H1-2: variants seen among roughly 807,000 people sequenced by gnomAD.
The protein encoded by H1-2 is histone H1.2.
In H1-2, 7 loss-of-function variants were observed where a neutral mutation model predicts 7.2. The observed-to-expected ratio is 0.97, with a 90% CI of 0.55 to 1.82. The LOEUF (loss-of-function observed/expected upper bound fraction) is 1.82. H1-2 is among the 40% of genes most tolerant of loss of function. H1-2 has a pLI of 0.00. For missense variants in H1-2, 703 were observed against 276.6 expected (o/e 2.54, Z -10.94); for synonymous variants, 300 against 118.2 (o/e 2.54, Z -9.98).
chr6:26,056,011 T>G lies in H1-2; in HGVS notation c.418A>C (p.Lys140Gln), dbSNP rs1259442897. Residue 140 changes from lysine (K) to glutamine (Q), a missense_variant, in exon 1 of 1, where the codon AAG (lysine) becomes CAG (glutamine). Coordinates refer to ENST00000343677, the MANE Select transcript of H1-2 (RefSeq NM_005319.4). Reference sequence around the variant, plus strand: ...TTCGGAGTTGCGCCGCCAGCCGCCTTCTTGGGCTTCTTGGCTGCCCCAACT... The same window carrying G: ...TTCGGAGTTGCGCCGCCAGCCGCCTGCTTGGGCTTCTTGGCTGCCCCAACT... ...KPVGAAKKPK[K>Q]AAGGATPKKS... 6.2e-7 allele frequency: 1 copy of G among 1,613,636 alleles called. No homozygotes were observed. The highest frequency in any genetic ancestry group is 1.7e-4 in the Middle Eastern group (1 of 5,972).
Position 26,056,035 on chromosome 6 carries a change from C to T in H1-2, c.394G>A (p.Val132Ile), listed in dbSNP as rs139623473. 54 of 1,614,126 alleles carry T rather than the reference C, an allele frequency of 3.3e-5. No individual in the cohort carries two copies. The African/African-American group carries it at 6.7e-4, about 20-fold the overall frequency. The change falls in exon 1 of 1, where the codon GTT becomes ATT. Residue 132 changes from valine (V) to isoleucine (I), a missense_variant. Physicochemically the swap from Val to Ile is conservative, Grantham distance 29. Transcript: ENST00000343677. ...TTCTTGGGCTTCTTGGCTGCCCCAA[C>T]TGGCTTCTTAGGTTTGGTTCCGCCC... ...KAGGTKPKKP[V>I]GAAKKPKKAA...
chr6:26,056,405 A>T lies in H1-2; in HGVS notation c.24T>A (p.Ala8=). 6.3e-7 allele frequency: 1 copy of T among 1,599,458 alleles called. No individual in the cohort carries two copies. Among genetic ancestry groups the T allele is most frequent in the Non-Finnish European group, 8.5e-7 (1 of 1,173,552 alleles). The change falls in exon 1 of 1, where the codon GCT becomes GCA. Residue 8 remains alanine (A), a synonymous_variant. Transcript: ENST00000343677. MSETAPA[A]PAAAPPAEKA... ...TCTCCGCAGGAGGCGCGGCAGCGGG[A>T]GCGGCAGGAGCAGTCTCGGACATGT...
chr6:26,056,374 G>C lies in H1-2; in HGVS notation c.55C>G (p.Pro19Ala), dbSNP rs200705328. 139 of 1,609,374 alleles carry C rather than the reference G, an allele frequency of 8.6e-5. No individual in the cohort carries two copies. Among genetic ancestry groups the C allele is most frequent in the Non-Finnish European group, 1.1e-4 (127 of 1,177,758 alleles). ...PAAAPPAEKA[P>A]VKKKAAKKAG... ...TTTTTGGCCGCCTTCTTCTTTACAG[G>C]GGCCTTCTCCGCAGGAGGCGCGGCA... Residue 19 changes from proline (P) to alanine (A), a missense_variant, in exon 1 of 1, where the codon CCT becomes GCT. Coordinates refer to ENST00000343677, the MANE Select transcript of H1-2 (RefSeq NM_005319.4).
Position 26,056,039 on chromosome 6 carries a change from C to A in H1-2, c.390G>T (p.Lys130Asn), listed in dbSNP as rs760879817. ...VKKAGGTKPK[K>N]PVGAAKKPKK... ...TGGGCTTCTTGGCTGCCCCAACTGG[C>A]TTCTTAGGTTTGGTTCCGCCCGCCT... Residue 130 changes from lysine (K) to asparagine (N), a missense_variant, in exon 1 of 1, where the codon AAG becomes AAT. Lys to Asn is a moderately conservative substitution (Grantham distance 94, BLOSUM62 0). Coordinates refer to ENST00000343677, the MANE Select transcript of H1-2 (RefSeq NM_005319.4). 4 of 1,614,108 alleles carry A rather than the reference C, an allele frequency of 2.5e-6. No individual in the cohort carries two copies. Among genetic ancestry groups the A allele is most frequent in the Non-Finnish European group, 3.4e-6 (4 of 1,180,032 alleles).
chr6:26,055,785 GC>G lies in H1-2; in HGVS notation c.*1del. 6.3e-7 allele frequency: 1 copy of G among 1,588,268 alleles called. No homozygotes were observed. The highest frequency in any genetic ancestry group is 8.5e-7 in the Non-Finnish European group (1 of 1,173,130). ...TTTTGGGTTTTAGAAGTAGGCGTTCGCCTATTTCTTCTTGGGCGCCGCCTTC... is the reference window on the plus strand; with the variant it reads ...TTTTGGGTTTTAGAAGTAGGCGTTCGCTATTTCTTCTTGGGCGCCGCCTTC... On this transcript the variant is annotated 3_prime_UTR_variant, in exon 1 of 1. Coordinates refer to ENST00000343677, the MANE Select transcript of H1-2 (RefSeq NM_005319.4).
At position 26,056,370 on chromosome 6, in the gene H1-2, A is replaced by T. The variant is rs140775794; in HGVS notation, c.59T>A (p.Val20Glu). The stretch of plus-strand genomic sequence containing the variant: ...AGCCTTTTTGGCCGCCTTCTTCTTT[A>T]CAGGGGCCTTCTCCGCAGGAGGCGC... The part of the protein sequence containing the change: ...AAAPPAEKAP[V>E]KKKAAKKAGG... Residue 20 changes from valine to glutamate, a missense_variant, in exon 1 of 1, where the codon GTA becomes GAA. Physicochemically the swap from Val to Glu is moderately radical, Grantham distance 121 (BLOSUM62 -2). Transcript: ENST00000343677. 1.9e-6 allele frequency: 3 copies of T among 1,611,674 alleles called. No homozygotes were observed. The East Asian group carries it at 6.7e-5, about 36-fold the overall frequency.
At position 26,056,329 on chromosome 6, in the gene H1-2, T is replaced by G. The variant is rs370019646; in HGVS notation, c.100A>C (p.Lys34Gln). The change falls in exon 1 of 1, where the codon AAG (lysine) becomes CAG (glutamine). Residue 34 changes from lysine (K) to glutamine (Q), a missense_variant. Lys to Gln is a moderately conservative substitution (Grantham distance 53). Coordinates refer to ENST00000343677, the MANE Select transcript of H1-2 (RefSeq NM_005319.4). ...AAKKAGGTPR[K>Q]ASGPPVSELI... ...TCTGACACCGGGGGACCAGACGCCT[T>G]ACGAGGCGTACCCCCAGCCTTTTTG... The G allele has an allele frequency of 6.2e-7, 1 of 1,614,062 alleles. No homozygotes were observed. Among genetic ancestry groups the G allele is most frequent in the South Asian group, 1.1e-5 (1 of 91,078 alleles).
chr6:26,056,467 C>G lies in H1-2; in HGVS notation c.-39G>C, dbSNP rs753463079. On this transcript the variant is annotated 5_prime_UTR_variant, in exon 1 of 1. Coordinates refer to ENST00000343677, the MANE Select transcript of H1-2 (RefSeq NM_005319.4). ...AACTCGGGTACAAGTGGCAAAGCGC[C>G]GATGAAGCAGCGCCTGGGCAGGGCC... The G allele has an allele frequency of 2.0e-6, 3 of 1,536,232 alleles. No individual in the cohort carries two copies. Among genetic ancestry groups the G allele is most frequent in the Non-Finnish European group, 2.6e-6 (3 of 1,146,826 alleles).
rs762065236 is a variant in H1-2, at chr6:26,055,855, C to G, written c.574G>C (p.Ala192Pro). 3.7e-6 allele frequency: 6 copies of G among 1,614,002 alleles called. No homozygotes were observed. The highest frequency in any genetic ancestry group is 2.7e-5 in the African/African-American group (2 of 74,930). Residue 192 changes from alanine (A) to proline (P), a missense_variant, in exon 1 of 1, where the codon GCT (alanine) becomes CCT (proline). Physicochemically the swap from Ala to Pro is conservative, Grantham distance 27 (BLOSUM62 -1). Transcript: ENST00000343677. ...GGCTTAGCGGCCTTGGGCTTCACAG[C>G]CTTAGCAGCACTTTTGGCAGCTTTC... ...PKKAAKSAAK[A>P]VKPKAAKPKV...
At position 26,056,163 on chromosome 6, in the gene H1-2, C is replaced by G. The variant is rs370479531; in HGVS notation, c.266G>C (p.Ser89Thr). The G allele has an allele frequency of 1.2e-6, 2 of 1,614,234 alleles. No individual in the cohort carries two copies. Among genetic ancestry groups the G allele is most frequent in the Non-Finnish European group, 1.7e-6 (2 of 1,180,034 alleles). The change falls in exon 1 of 1, where the codon AGC becomes ACC. Residue 89 changes from serine (S) to threonine (T), a missense_variant. Transcript: ENST00000343677. ...RIKLGLKSLV[S>T]KGTLVQTKGT... ...TTTCGTTTGCACCAGAGTGCCCTTGCTCACCAGGCTCTTGAGACCAAGTTT... is the reference window on the plus strand; with the variant it reads ...TTTCGTTTGCACCAGAGTGCCCTTGGTCACCAGGCTCTTGAGACCAAGTTT...
chr6:26,055,859 AGCAGCACTTTTG>A lies in H1-2; in HGVS notation c.558_569del (p.Ser188_Lys191del). ...TAGCGGCCTTGGGCTTCACAGCCTTAGCAGCACTTTTGGCAGCTTTCTTGGGCTTCGCAACCT... is the reference window on the plus strand; with the variant it reads ...TAGCGGCCTTGGGCTTCACAGCCTTAGCAGCTTTCTTGGGCTTCGCAACCT... On this transcript the variant is annotated inframe_deletion, in exon 1 of 1. Transcript: ENST00000343677. 1 of 1,614,036 alleles carries A rather than the reference AGCAGCACTTTTG, an allele frequency of 6.2e-7. No homozygotes were observed. The highest frequency in any genetic ancestry group is 8.5e-7 in the Non-Finnish European group (1 of 1,179,938).
In H1-2 at chr6:26,055,934, A is replaced by T; in HGVS notation, c.495T>A (p.Thr165=). ...GGCTCTTAGCCACTTTCTTGGTTAC[A>T]GTGGCCGCGGCCGGCTTCTTCGCTT... ...PKKAKKPAAA[T]VTKKVAKSPK... is the part of the protein sequence containing the mutation. Residue 165 remains threonine (T), a synonymous_variant, in exon 1 of 1, where the codon ACT becomes ACA. Coordinates refer to ENST00000343677, the MANE Select transcript of H1-2 (RefSeq NM_005319.4). 6.2e-7 allele frequency: 1 copy of T among 1,614,110 alleles called. No individual in the cohort carries two copies. The highest frequency in any genetic ancestry group is 8.5e-7 in the Non-Finnish European group (1 of 1,180,030).
Position 26,055,902 on chromosome 6 carries a change from T to C in H1-2, c.527A>G (p.Lys176Arg), listed in dbSNP as rs755905511. 3.1e-6 allele frequency: 5 copies of C among 1,614,182 alleles called. No individual in the cohort carries two copies. The South Asian group carries it at 3.3e-5, about 11-fold the overall frequency. The change falls in exon 1 of 1, where the codon AAG becomes AGG. Residue 176 changes from lysine (K) to arginine (R), a missense_variant. Coordinates refer to ENST00000343677, the MANE Select transcript of H1-2 (RefSeq NM_005319.4). ...TTTCTTGGGCTTCGCAACCTTGGCC[T>C]TCTTTGGGCTCTTAGCCACTTTCTT... ...VTKKVAKSPK[K>R]AKVAKPKKAA...
Position 26,056,289 on chromosome 6 carries a change from G to T in H1-2, c.140C>A (p.Ala47Asp). The T allele has an allele frequency of 6.2e-7, 1 of 1,614,174 alleles. No homozygotes were observed. The highest frequency in any genetic ancestry group is 8.5e-7 in the Non-Finnish European group (1 of 1,179,994). Reference sequence around the variant, plus strand: ...GCTACGCTCTTTAGAGGCGGCCACAGCCTTGGTGATGAGCTCTGACACCGG... The same window carrying T: ...GCTACGCTCTTTAGAGGCGGCCACATCCTTGGTGATGAGCTCTGACACCGG... The part of the protein sequence containing the change: ...GPPVSELITK[A>D]VAASKERSGV... The change falls in exon 1 of 1, where the codon GCT becomes GAT. Residue 47 changes from alanine (A) to aspartate (D), a missense_variant. Physicochemically the swap from Ala to Asp is moderately radical, Grantham distance 126. Coordinates refer to ENST00000343677, the MANE Select transcript of H1-2 (RefSeq NM_005319.4).
In H1-2 at chr6:26,055,746, C is replaced by G. The variant is rs1032827593; in HGVS notation, c.*41G>C. 6.6e-7 allele frequency: 1 copy of G among 1,523,388 alleles called. No homozygotes were observed. Among genetic ancestry groups the G allele is most frequent in the Non-Finnish European group, 8.9e-7 (1 of 1,126,822 alleles). The allele number at this position is 1,523,388 out of a possible 1,614,324, so 94.4% of individuals were successfully genotyped here. A position where few individuals can be genotyped will look rare whatever the true frequency, so the allele number is the denominator to read the frequency against. On this transcript the variant is annotated 3_prime_UTR_variant, in exon 1 of 1. Transcript: ENST00000343677. ...GCTCTTTTATTGAGATCAGTGGTGG[C>G]TCTGAAAAGAGCCTTTTGGGTTTTA...
chr6:26,055,865 A>G lies in H1-2; in HGVS notation c.564T>C (p.Ser188=), dbSNP rs1320781357. ...KVAKPKKAAK[S]AAKAVKPKAA... is the part of the protein sequence containing the mutation. The stretch of plus-strand genomic sequence containing the variant: ...CCTTGGGCTTCACAGCCTTAGCAGC[A>G]CTTTTGGCAGCTTTCTTGGGCTTCG... The change falls in exon 1 of 1, where the codon AGT becomes AGC. Residue 188 remains serine, a synonymous_variant. Transcript: ENST00000343677. 1 of 1,613,950 alleles carries G rather than the reference A, an allele frequency of 6.2e-7. No individual in the cohort carries two copies. Among genetic ancestry groups the G allele is most frequent in the African/African-American group, 1.3e-5 (1 of 74,910 alleles).
At position 26,056,073 on chromosome 6, in the gene H1-2, T is replaced by C. The variant is rs374398098; in HGVS notation, c.356A>G (p.Lys119Arg). The C allele has an allele frequency of 6.8e-6, 11 of 1,614,196 alleles. No individual in the cohort carries two copies. Among genetic ancestry groups the C allele is most frequent in the East Asian group, 2.2e-5 (1 of 44,882 alleles). The change falls in exon 1 of 1, where the codon AAG (lysine) becomes AGG (arginine). Residue 119 changes from lysine (K) to arginine (R), a missense_variant. Lys to Arg is a conservative substitution (Grantham distance 26). Coordinates refer to ENST00000343677, the MANE Select transcript of H1-2 (RefSeq NM_005319.4). ...KKAASGEAKP[K>R]VKKAGGTKPK... ...TTTGGTTCCGCCCGCCTTTTTAACC[T>C]TGGGCTTGGCTTCCCCGGAGGCTGC...
rs1248420153 is a variant in H1-2, at chr6:26,056,050, T to G, written c.379A>C (p.Lys127Gln). The change falls in exon 1 of 1, where the codon AAA (lysine) becomes CAA (glutamine). Residue 127 changes from lysine (K) to glutamine (Q), a missense_variant. Transcript: ENST00000343677. ...GCTGCCCCAACTGGCTTCTTAGGTT[T>G]GGTTCCGCCCGCCTTTTTAACCTTG... ...KPKVKKAGGT[K>Q]PKKPVGAAKK... 1.9e-6 allele frequency: 3 copies of G among 1,614,184 alleles called. No homozygotes were observed. The highest frequency in any genetic ancestry group is 2.2e-5 in the South Asian group (2 of 91,086).
rs755413411 is a variant in H1-2, at chr6:26,056,018, C to T, written c.411G>A (p.Lys137=). The change falls in exon 1 of 1, where the codon AAG becomes AAA. Residue 137 remains lysine (K), a synonymous_variant. Coordinates refer to ENST00000343677, the MANE Select transcript of H1-2 (RefSeq NM_005319.4). The part of the protein sequence containing the change: ...KPKKPVGAAK[K]PKKAAGGATP... ...TTGCGCCGCCAGCCGCCTTCTTGGG[C>T]TTCTTGGCTGCCCCAACTGGCTTCT... 5.0e-6 allele frequency: 8 copies of T among 1,613,996 alleles called. No homozygotes were observed. The highest frequency in any genetic ancestry group is 1.7e-5 in the Admixed American group (1 of 60,026).
Sources: gnomAD v4.1 joint callset for allele counts on GRCh38, gnomAD v4.1.1 for gene constraint, MANE v1.5 for transcripts, NCBI Gene and HGNC (gene_info 2026-07-23, HGNC 2026-07-21) for gene names.